Variants in SCAF8 observed in about 807,000 individuals in gnomAD.
SCAF8 encodes SR-related CTD associated factor 8, also known as SR-related and CTD-associated factor 8.
Under a neutral mutation model 140.5 loss-of-function variants are expected in SCAF8, and 23 were observed. The ratio of observed to expected loss-of-function variants is 0.16; its 90% confidence interval spans 0.12 to 0.23. The LOEUF (loss-of-function observed/expected upper bound fraction) is 0.23. SCAF8 is among the 10% of genes least tolerant of loss of function. The pLI, the probability that SCAF8 is intolerant of heterozygous loss-of-function variation, is 1.00. For missense variants in SCAF8, 1,397 were observed against 1,555.7 expected, an observed-to-expected ratio of 0.90 and a Z score of 1.72; for synonymous variants, 575 against 528.9, an observed-to-expected ratio of 1.09 and a Z score of -1.20.
chr6:154,733,785 C>G lies in SCAF8; in HGVS notation c.-116C>G, dbSNP rs1036108131. The stretch of plus-strand genomic sequence containing the variant: ...CGCCCCGAGGTCGCAGCGGCCCGCT[C>G]TCCCGCCAGCGCCCCCTCCTCGCGG... On this transcript the variant is annotated 5_prime_UTR_variant, in exon 1 of 20. Coordinates refer to ENST00000367178, the MANE Select transcript of SCAF8 (RefSeq NM_014892.5). 2.2e-6 allele frequency: 3 copies of G among 1,387,162 alleles called. No homozygotes were observed. Among genetic ancestry groups the G allele is most frequent in the South Asian group, 1.7e-5 (1 of 59,050 alleles). 85.9% of individuals were successfully genotyped at this position (1,387,162 alleles called of 1,614,324 possible). A position where few individuals can be genotyped will look rare whatever the true frequency, so the allele number is the denominator to read the frequency against.
chr6:154,771,554 G>C (rs1776767601), intron 1 of SCAF8, among the ~76,000 whole-genome samples: 1 of 152,124 alleles, frequency 6.6e-6, no homozygotes, highest in Admixed American at 6.5e-5. Context: ...TTTTAAGGGG[G>C]GTGGGTAGTA....
At chr6:154,791,274 G>C (rs1478883902) in intron 4 of SCAF8, among the ~76,000 whole-genome samples, 2 of 152,188 alleles carry the variant, frequency 1.3e-5, no homozygotes, top group East Asian at 3.9e-4. Context: ...TATGTTACTA[G>C]ATTTCAGAAT....
At chr6:154,746,222 C>T (rs1208945956) in intron 1 of SCAF8, among the ~76,000 whole-genome samples, 1 of 152,184 alleles carries the variant, frequency 6.6e-6, no homozygotes, top group Non-Finnish European at 1.5e-5. Flanking sequence ...ACTGAGTTAT[C>T]TTTATACTCT....
chr6:154,756,500 T>C lies in SCAF8; in HGVS notation c.31-17489T>C, dbSNP rs140893519. ...CTGGTGTTCAGTAGTTAGACGAATG[T>C]TGGCTTGGCCTGTTTACCATTTAGC... On this transcript the variant is annotated intron_variant, in intron 1 of 19. Coordinates refer to ENST00000367178, the MANE Select transcript of SCAF8 (RefSeq NM_014892.5). Among the ~76,000 whole-genome samples, 141 of 152,350 alleles carry C rather than the reference T, an allele frequency of 9.3e-4. 2 individuals carry two copies. The highest frequency in any genetic ancestry group is 3.3e-3 in the African/African-American group (137 of 41,586).
chr6:154,772,061 T>C (rs948985618), intron 1 of SCAF8, among the ~76,000 whole-genome samples: 3 of 152,116 alleles, frequency 2.0e-5, no homozygotes, highest in Non-Finnish European at 4.4e-5. Flanking sequence ...GGGGAAAAAC[T>C]GGGCAGATTT....
chr6:154,745,363 G>C (rs987091629), intron 1 of SCAF8, among the ~76,000 whole-genome samples: 2 of 152,116 alleles, frequency 1.3e-5, no homozygotes, highest in African/African-American at 2.4e-5. Context: ...TAGGGATGTA[G>C]AGCTTTTGTT....
At chr6:154,764,682 T>C (rs953108916) in intron 1 of SCAF8, among the ~76,000 whole-genome samples, 5 of 152,072 alleles carry the variant, frequency 3.3e-5, no homozygotes, top group Non-Finnish European at 7.4e-5. Flanking sequence ...TAGAGAACAC[T>C]GGGTAGCTGG....
chr6:154,747,367 C>G (rs1778725924), intron 1 of SCAF8, among the ~76,000 whole-genome samples: 6 of 151,888 alleles, frequency 4.0e-5, no homozygotes, highest in Admixed American at 3.9e-4. Context: ...AATATTAATA[C>G]AAAAAAATTA....
chr6:154,786,269 C>T (rs1337207188), intron 3 of SCAF8, among the ~76,000 whole-genome samples: 1 of 152,188 alleles, frequency 6.6e-6, no homozygotes, highest in Non-Finnish European at 1.5e-5. Context: ...GCTGTCTTCT[C>T]TTCTTGGGTG....
chr6:154,805,521 T>A, intron 9 of SCAF8, 35 bp downstream of exon 9: 1 of 1,225,302 alleles, frequency 8.2e-7, no homozygotes, highest in Non-Finnish European at 1.2e-6. Context: ...TTAGAGTTAT[T>A]ACTATTTATA....
At chr6:154,808,330 C>A in intron 10 of SCAF8, 129 bp downstream of exon 10, 2 of 969,258 alleles carry the variant, frequency 2.1e-6, no homozygotes, top group African/African-American at 1.6e-5. Context: ...ATTGTTTCAC[C>A]TATTAGGCCA....
At chr6:154,824,165 T>C in intron 16 of SCAF8, 69 bp from the exon 17 acceptor site, 1 of 1,462,188 alleles carries the variant, frequency 6.8e-7, no homozygotes. Context: ...ATAGAATAAT[T>C]TGCCTTTAGT....
At chr6:154,794,950 T>C (rs1777555967) in intron 5 of SCAF8, 59 bp from the exon 6 acceptor site, 4 of 1,455,124 alleles carry the variant, frequency 2.7e-6, no homozygotes, top group Non-Finnish European at 3.7e-6. Flanking sequence ...TTCTGCTTTT[T>C]CTAGTCTTAG....
Position 154,824,279 on chromosome 6 carries a change from G to A in SCAF8, c.1972G>A (p.Ala658Thr), listed in dbSNP as rs1440228419. ...AVPTVSLVPP[A>T]FPVSMPVPPP... ...GCCTACAGTTAGTTTAGTCCCACCA[G>A]CATTTCCTGTGTCGATGCCGGTTCC... The change falls in exon 17 of 20, where the codon GCA (alanine) becomes ACA (threonine). Residue 658 changes from alanine (A) to threonine (T), a missense_variant. Ala to Thr is a moderately conservative substitution (Grantham distance 58, BLOSUM62 0). Around this residue, in one of 5 missense-constraint regions of SCAF8, gnomAD observed 930 missense variants for 874.6 expected, o/e 1.06. Coordinates refer to ENST00000367178, the MANE Select transcript of SCAF8 (RefSeq NM_014892.5). 3.1e-6 allele frequency: 5 copies of A among 1,613,968 alleles called. No homozygotes were observed. In the South Asian group the frequency reaches 4.4e-5, roughly 14 times the overall value.
At chr6:154,771,967 A>T (rs920236515) in intron 1 of SCAF8, among the ~76,000 whole-genome samples, 9 of 152,168 alleles carry the variant, frequency 5.9e-5, no homozygotes, top group African/African-American at 2.2e-4. Flanking sequence ...TTCAGGTGAG[A>T]GATTAAGGTA....
At chr6:154,811,973 A>T (rs116817575) in intron 12 of SCAF8, among the ~76,000 whole-genome samples, 1,633 of 152,198 alleles carry the variant, frequency 0.011, 24 homozygotes, top group African/African-American at 0.027. Context: ...AATCTTTGCT[A>T]CTGTGAGTAG....
rs1274909947 is a variant in SCAF8, at chr6:154,824,372, C to T, written c.2065C>T (p.Pro689Ser). Residue 689 changes from proline to serine, a missense_variant, in exon 17 of 20, where the codon CCA becomes TCA. By Grantham distance (74) the Pro-to-Ser change is moderately conservative. Coordinates refer to ENST00000367178, the MANE Select transcript of SCAF8 (RefSeq NM_014892.5). ...AGCAAGTTTTAACCCTTCACAACCA[C>T]CACCTGGTAAGGAATTTTTGTTTTA... Reference protein sequence around the residue: ...LRASFNPSQPPPGFMPPPVPP... With the variant: ...LRASFNPSQPSPGFMPPPVPP... The T allele has an allele frequency of 6.2e-7, 1 of 1,611,690 alleles. No homozygotes were observed.
chr6:154,817,694 A>G (rs1158911978), intron 13 of SCAF8, among the ~76,000 whole-genome samples: 1 of 152,208 alleles, frequency 6.6e-6, no homozygotes, highest in Non-Finnish European at 1.5e-5. Context: ...GGCTGAGGAA[A>G]AGGTTTCTAT....
chr6:154,759,955 C>T (rs933295161), intron 1 of SCAF8, among the ~76,000 whole-genome samples: 5 of 152,026 alleles, frequency 3.3e-5, no homozygotes, highest in Admixed American at 1.3e-4. Context: ...AGGCGTGAGC[C>T]ACCGTGCCTG....
Sources: allele counts gnomAD v4.1 joint callset (sites outside exome capture counted in the v4.1 genomes callset), GRCh38; gene constraint gnomAD v4.1.1; regional missense constraint gnomAD v4.1.1; transcripts MANE v1.5; gene names NCBI Gene and HGNC (gene_info 2026-07-23, HGNC 2026-07-21).